USP25: variants seen among roughly 807,000 people sequenced by gnomAD.
USP25 encodes ubiquitin carboxyl-terminal hydrolase 25.
A neutral mutation model predicts 158.5 loss-of-function variants in USP25; 85 were observed. The observed-to-expected ratio is 0.54, with a 90% CI of 0.45 to 0.64. The LOEUF is 0.64. Among genes scored for constraint, USP25 ranks in the 30% least tolerant of loss-of-function variants. The pLI, the probability that USP25 is intolerant of heterozygous loss-of-function variation, is 0.00. For synonymous variants in USP25, 464 were observed against 460.4 expected, an observed-to-expected ratio of 1.01 and a Z score of -0.10; for missense variants, 1,242 against 1,327.3, an observed-to-expected ratio of 0.94 and a Z score of 1.00.
At chr21:15,785,202 A>G (rs1438590766) in intron 4 of USP25, among the ~76,000 whole-genome samples, 1 of 152,214 alleles carries the variant, frequency 6.6e-6, no homozygotes, top group Non-Finnish European at 1.5e-5. Flanking sequence ...CCAAGAAGCA[A>G]AACTGTAAAT....
intron 6 of USP25, among the ~76,000 whole-genome samples, chr21:15,802,355 G>A (rs1412849945): frequency 6.6e-6 from 1 of 151,538 alleles, no homozygotes. Context: ...GGCATTCTGA[G>A]ATTTCTGCCA....
chr21:15,798,977 A>G (rs908402158), intron 5 of USP25, among the ~76,000 whole-genome samples: 3 of 151,314 alleles, frequency 2.0e-5, no homozygotes, highest in African/African-American at 7.3e-5. Flanking sequence ...CCAAGAAAGG[A>G]ATATACTGTA....
chr21:15,839,501 G>C (rs1384669103), intron 17 of USP25, among the ~76,000 whole-genome samples: 2 of 152,164 alleles, frequency 1.3e-5, no homozygotes, highest in African/African-American at 4.8e-5. Flanking sequence ...ACATTGAATA[G>C]AGAGTAATTC....
At position 15,730,358 on chromosome 21, in the gene USP25, G is replaced by T. The variant is rs1198394857; in HGVS notation, c.-36G>T. The T allele has an allele frequency of 3.4e-6, 4 of 1,170,324 alleles. No individual in the cohort carries two copies. Among genetic ancestry groups the T allele is most frequent in the Non-Finnish European group, 4.2e-6 (4 of 954,148 alleles). The allele number at this position is 1,170,324 out of a possible 1,614,324, so 72.5% of individuals were successfully genotyped here. On this transcript the variant is annotated 5_prime_UTR_variant, in exon 1 of 26. Coordinates refer to ENST00000400183, the MANE Select transcript of USP25 (RefSeq NM_001283041.3). ...CCGGCGGAGGCGCGAGGAGCCGGGC[G>T]CCACCGCCGCCGCCGCCGCCGCCGC...
At chr21:15,753,704 G>GAA (rs200965042) in intron 1 of USP25, among the ~76,000 whole-genome samples, 11 of 140,294 alleles carry the variant, frequency 7.8e-5, no homozygotes, top group African/African-American at 2.9e-4. Flanking sequence ...GTATGAGAGG[G>GAA]AAAAAAAAAA....
intron 3 of USP25, among the ~76,000 whole-genome samples, chr21:15,771,018 C>A (rs2034321000): frequency 6.6e-6 from 1 of 152,164 alleles, no homozygotes; most frequent in South Asian, 2.1e-4. Flanking sequence ...ATGTTCTCAT[C>A]TTCTAATTAG....
At chr21:15,786,506 T>A (rs913620935) in intron 4 of USP25, among the ~76,000 whole-genome samples, 1 of 152,026 alleles carries the variant, frequency 6.6e-6, no homozygotes, top group Non-Finnish European at 1.5e-5. Flanking sequence ...TACATCACAG[T>A]AACAAAGAGA....
intron 20 of USP25, among the ~76,000 whole-genome samples, chr21:15,855,948 A>G (rs918412675): frequency 1.9e-4 from 29 of 152,184 alleles, no homozygotes; most frequent in African/African-American, 6.7e-4. Flanking sequence ...CTTTTACTCA[A>G]CAGTGTGTTT....
chr21:15,793,723 A>G (rs1408128699), intron 5 of USP25, among the ~76,000 whole-genome samples: 3 of 151,608 alleles, frequency 2.0e-5, no homozygotes, highest in African/African-American at 4.8e-5. Context: ...GGGAGTAGAA[A>G]ACACTAAGCA....
rs1419717740 is a variant in USP25, at chr21:15,878,002, A to G, written c.3205+11A>G. 2 of 1,602,638 alleles carry G rather than the reference A, an allele frequency of 1.2e-6. No individual in the cohort carries two copies. Among genetic ancestry groups the G allele is most frequent in the Non-Finnish European group, 1.7e-6 (2 of 1,174,378 alleles). On this transcript the variant is annotated intron_variant, in intron 25 of 25. Transcript: ENST00000400183. ...GTCAAGAAATGGAACGTAAGTTTAA[A>G]CAATGGTAGTAGGCACCTGAGATGT...
Position 15,864,254 on chromosome 21 carries a change from A to G in USP25, c.2548-14A>G, listed in dbSNP as rs1457534278. ...ATAATTAACCAAAATTATCATTTTC[A>G]TTGCATTTTCCAGGCAATTAAGTTG... On this transcript the variant is annotated splice_polypyrimidine_tract_variant and intron_variant, in intron 20 of 25. Coordinates refer to ENST00000400183, the MANE Select transcript of USP25 (RefSeq NM_001283041.3). The G allele has an allele frequency of 6.3e-7, 1 of 1,590,388 alleles. No homozygotes were observed. The highest frequency in any genetic ancestry group is 8.5e-7 in the Non-Finnish European group (1 of 1,173,790).
chr21:15,832,451 G>T (rs1347925738), intron 16 of USP25, among the ~76,000 whole-genome samples: 1 of 152,164 alleles, frequency 6.6e-6, no homozygotes. Flanking sequence ...AAAAAATGAA[G>T]TTATTTTTCT....
chr21:15,813,084 T>C (rs1255112225), intron 9 of USP25, among the ~76,000 whole-genome samples: 1 of 151,930 alleles, frequency 6.6e-6, no homozygotes, highest in Non-Finnish European at 1.5e-5. Context: ...TTTCTGTGTC[T>C]GTACTGAGTA....
At chr21:15,771,326 G>C (rs1299263809) in intron 3 of USP25, among the ~76,000 whole-genome samples, 2 of 150,110 alleles carry the variant, frequency 1.3e-5, no homozygotes, top group Non-Finnish European at 3.0e-5. Flanking sequence ...TTGAGGAACA[G>C]TAGACCTGGA....
intron 20 of USP25, among the ~76,000 whole-genome samples, chr21:15,860,976 A>AGAGAGT (rs1491484797): frequency 1.5e-5 from 2 of 133,060 alleles, no homozygotes; most frequent in Non-Finnish European, 3.4e-5. Context: ...ATATATATAT[A>AGAGAGT]GAGAGAGAGA....
At chr21:15,792,834 T>A (rs2035663439) in intron 5 of USP25, among the ~76,000 whole-genome samples, 1 of 151,698 alleles carries the variant, frequency 6.6e-6, no homozygotes, top group South Asian at 2.1e-4. Context: ...AGTAATATGC[T>A]ATGTTATTGG....
At chr21:15,821,558 A>T (rs183885852) in intron 10 of USP25, among the ~76,000 whole-genome samples, 2 of 152,092 alleles carry the variant, frequency 1.3e-5, no homozygotes, top group Admixed American at 1.3e-4. Context: ...TTAAAAACAA[A>T]ATTAGAGAAA....
At position 15,842,636 on chromosome 21, in the gene USP25, G is replaced by A. The variant is rs574116369; in HGVS notation, c.2337+96G>A. On this transcript the variant is annotated intron_variant, in intron 18 of 25. Transcript: ENST00000400183. ...GACCTGTCAGGGAGTCAGGAGAGAC[G>A]GGGCCCAGTGATGGCTCTGCCATGG... The A allele has an allele frequency of 9.1e-5, 133 of 1,457,454 alleles. 1 individual carries two copies. In the South Asian group the frequency reaches 1.6e-3, roughly 18 times the overall value. 90.3% of individuals were successfully genotyped at this position (1,457,454 alleles called of 1,614,324 possible).
chr21:15,809,147 A>T (rs1453512124), intron 8 of USP25, among the ~76,000 whole-genome samples: 1 of 152,172 alleles, frequency 6.6e-6, no homozygotes, highest in Non-Finnish European at 1.5e-5. Flanking sequence ...CGAGGAATGA[A>T]TTTGCGGTGG....
Sources: gnomAD v4.1 joint callset for allele counts (sites outside exome capture counted in the v4.1 genomes callset) on GRCh38, gnomAD v4.1.1 for gene constraint, MANE v1.5 for transcripts, NCBI Gene and HGNC (gene_info 2026-07-23, HGNC 2026-07-21) for gene names.